Variants in STON2 observed in about 807,000 individuals in gnomAD.
STON2 encodes the protein stonin-2.
A neutral mutation model predicts 65.7 loss-of-function variants in STON2; 29 were observed. The ratio of observed to expected loss-of-function variants is 0.44; its 90% CI spans 0.33 to 0.60. STON2 has a LOEUF of 0.60. Among genes scored for constraint, STON2 ranks in the 20% least tolerant of loss-of-function variants. The pLI, the probability that STON2 is intolerant of heterozygous loss-of-function variation, is 0.03. For synonymous variants in STON2, 404 were observed against 414.2 expected (o/e 0.98, Z 0.30); for missense variants, 1,054 against 1,118.1 (o/e 0.94, Z 0.82).
In STON2 at chr14:81,361,254, T is replaced by C. The variant is rs1339186737; in HGVS notation, c.571+9734A>G. The stretch of plus-strand genomic sequence containing the variant: ...TATCACACCATATTACTTGAAACAA[T>C]ACTACAAGGATATAGAAACTAAAAG... On this transcript the variant is annotated intron_variant, in intron 4 of 7. Coordinates refer to ENST00000614646, the MANE Select transcript of STON2 (RefSeq NM_001394390.1). 2.0e-5 allele frequency among the ~76,000 whole-genome samples: 3 copies of C among 152,056 alleles called. No individual in the cohort carries two copies. The East Asian group carries it at 5.8e-4, about 29-fold the overall frequency.
intron 5 of STON2, among the ~76,000 whole-genome samples, chr14:81,308,839 T>TAC: frequency 1.1e-4 from 1 of 9,476 alleles, no homozygotes; most frequent in South Asian, 3.0e-3. Context: ...TGTGTGTGTA[T>TAC]ATATATATAT....
chr14:81,381,334 G>A (rs1899503808), intron 3 of STON2, among the ~76,000 whole-genome samples: 1 of 151,738 alleles, frequency 6.6e-6, no homozygotes, highest in South Asian at 2.1e-4. Context: ...AAGAGAAATT[G>A]AAAAAAACTG....
At chr14:81,430,616 C>T (rs1479915993) in intron 1 of STON2, among the ~76,000 whole-genome samples, 1 of 152,154 alleles carries the variant, frequency 6.6e-6, no homozygotes, top group East Asian at 1.9e-4. Context: ...TCCTGCCCTA[C>T]TATTATGTAT....
At chr14:81,397,641 TCA>T (rs1466850659) in intron 2 of STON2, among the ~76,000 whole-genome samples, 1 of 152,186 alleles carries the variant, frequency 6.6e-6, no homozygotes, top group Non-Finnish European at 1.5e-5. Flanking sequence ...CAGAACCAAC[TCA>T]CATGTCTCTG....
intron 1 of STON2, among the ~76,000 whole-genome samples, chr14:81,435,623 C>T (rs1281536530): frequency 6.6e-6 from 1 of 152,128 alleles, no homozygotes; most frequent in Non-Finnish European, 1.5e-5. Flanking sequence ...CACTCACAGC[C>T]CTCAGGCAGC....
intron 4 of STON2, among the ~76,000 whole-genome samples, chr14:81,343,986 C>T (rs937584285): frequency 6.6e-6 from 1 of 152,108 alleles, no homozygotes; most frequent in African/African-American, 2.4e-5. Flanking sequence ...TACCTATGTC[C>T]TGTAAAGAAT....
chr14:81,357,261 A>G (rs565711976), intron 4 of STON2, among the ~76,000 whole-genome samples: 2 of 152,030 alleles, frequency 1.3e-5, no homozygotes, highest in East Asian at 3.9e-4. Flanking sequence ...ACACTTCTCA[A>G]AAGAAGACAT....
chr14:81,345,701 C>T (rs139499841), intron 4 of STON2, among the ~76,000 whole-genome samples: 15 of 152,028 alleles, frequency 9.9e-5, no homozygotes, highest in African/African-American at 3.4e-4. Context: ...GCAGAGGTTG[C>T]AGTGAACCAA....
intron 5 of STON2, among the ~76,000 whole-genome samples, chr14:81,303,578 A>G (rs1896054778): frequency 6.6e-6 from 1 of 152,156 alleles, no homozygotes; most frequent in African/African-American, 2.4e-5. Context: ...AAAGCAATGA[A>G]CCCCAGAGAG....
intron 4 of STON2, among the ~76,000 whole-genome samples, chr14:81,334,146 T>C (rs1249367499): frequency 2.0e-5 from 3 of 152,188 alleles, no homozygotes; most frequent in East Asian, 1.9e-4. Flanking sequence ...TAAGATTTCA[T>C]TAAACCAGCC....
At chr14:81,422,771 C>T (rs1286672476) in intron 2 of STON2, among the ~76,000 whole-genome samples, 2 of 152,034 alleles carry the variant, frequency 1.3e-5, no homozygotes, top group African/African-American at 2.4e-5. Context: ...CGGTGGCTCA[C>T]GCCTGTAATC....
intron 4 of STON2, among the ~76,000 whole-genome samples, chr14:81,357,511 A>G (rs570633152): frequency 3.6e-4 from 55 of 150,822 alleles, no homozygotes; most frequent in African/African-American, 1.1e-3. Context: ...AGGGATCTAG[A>G]ACTAGAAATA....
chr14:81,411,122 A>C (rs943185901), intron 2 of STON2, among the ~76,000 whole-genome samples: 2 of 152,212 alleles, frequency 1.3e-5, no homozygotes, highest in Admixed American at 6.5e-5. Flanking sequence ...GGAGAAGGTT[A>C]AGGAAAATTT....
At chr14:81,372,565 A>AAAAG (rs1555404141) in intron 3 of STON2, among the ~76,000 whole-genome samples, 2 of 111,424 alleles carry the variant, frequency 1.8e-5, no homozygotes. Flanking sequence ...AAAAAAAAAA[A>AAAAG]AAGAAGAAGA....
Position 81,417,486 on chromosome 14 carries a change from T to C in STON2, c.-199+9616A>G, listed in dbSNP as rs1352848179. ...AAACAACAGTGATAGGAAATAACAA[T>C]TAAGCTTGGGTGATAGGAGAATAGT... On this transcript the variant is annotated intron_variant, in intron 2 of 8. Transcript: ENST00000553821. Among the ~76,000 whole-genome samples, 3 of 152,144 alleles carry C rather than the reference T, an allele frequency of 2.0e-5. No individual in the cohort carries two copies. In the East Asian group the frequency reaches 5.8e-4, roughly 29 times the overall value.
At position 81,291,858 on chromosome 14, in the gene STON2, T is replaced by TACACACACAC. The variant is rs59366676; in HGVS notation, c.743-13129_743-13120dup. 1.9e-4 allele frequency among the ~76,000 whole-genome samples: 26 copies of TACACACACAC among 137,808 alleles called. No individual in the cohort carries two copies. The East Asian group carries it at 2.2e-3, about 12-fold the overall frequency. 90.4% of individuals were successfully genotyped at this position (137,808 alleles called of 152,430 possible). ...GCATGTTTCAAATACTTAGCATGGG[T>TACACACACAC]ACACACACACACACACACACACACA... On this transcript the variant is annotated intron_variant, in intron 5 of 7. Transcript: ENST00000614646.
At chr14:81,270,639 G>A (rs1170733136) in intron 7 of STON2, 31 bp downstream of exon 7, 1 of 1,614,056 alleles carries the variant, frequency 6.2e-7, no homozygotes, top group Admixed American at 1.7e-5. Context: ...AATGGAGTTG[G>A]AAGCATTAGC....
In STON2 at chr14:81,416,949, T is replaced by C. The variant is rs1382793928; in HGVS notation, c.-199+10153A>G. On this transcript the variant is annotated intron_variant, in intron 2 of 8. Transcript: ENST00000553821. ...GGCCACAAATCTCAAGCTTGGTGGG[T>C]AGCTCTACAATGAAGTCAGCTCAAT... is the stretch of plus-strand genomic sequence containing the variant. Among the ~76,000 whole-genome samples, 5 of 152,334 alleles carry C rather than the reference T, an allele frequency of 3.3e-5. No homozygotes were observed. The East Asian group carries it at 9.7e-4, about 29-fold the overall frequency.
chr14:81,306,851 TAGCAAGCAA>T (rs1289173472), intron 5 of STON2: 1 of 152,178 alleles, frequency 6.6e-6, no homozygotes, highest in Non-Finnish European at 1.5e-5. Context: ...TTTAACAAAT[TAGCAAGCAA>T]AGTCAGCTCT....
Sources: allele counts gnomAD v4.1 joint callset (sites outside exome capture counted in the v4.1 genomes callset), GRCh38; gene constraint gnomAD v4.1.1; transcripts MANE v1.5; gene names NCBI Gene and HGNC (gene_info 2026-07-23, HGNC 2026-07-21).